Variants in NNMT observed in about 807,000 individuals in gnomAD.
The protein encoded by NNMT is nicotinamide N-methyltransferase.
NNMT carries 10 observed loss-of-function variants against 11.7 expected under a neutral mutation model. That is an observed-to-expected ratio of 0.85 (90% CI 0.53 to 1.45). The LOEUF is 1.45. NNMT is among the 40% of genes most tolerant of loss of function. The pLI is 0.00. For synonymous variants in NNMT, 143 were observed against 133.8 expected (o/e 1.07, Z -0.48); for missense variants, 381 against 319.4 (o/e 1.19, Z -1.47).
intron 2 of NNMT, among the ~76,000 whole-genome samples, chr11:114,269,647 G>A (rs1945154342): frequency 6.6e-6 from 1 of 152,010 alleles, no homozygotes; most frequent in South Asian, 2.1e-4. Context: ...TTTAGCTACT[G>A]CCCTGTCTTT....
chr11:114,280,775 TG>T (rs1262279481), intron 2 of NNMT, among the ~76,000 whole-genome samples: 1 of 152,062 alleles, frequency 6.6e-6, no homozygotes, highest in Non-Finnish European at 1.5e-5. Context: ...TTTCACTCTC[TG>T]GGCACAAGAG....
chr11:114,288,533 G>A (rs1392788813), intron 2 of NNMT, among the ~76,000 whole-genome samples: 1 of 151,160 alleles, frequency 6.6e-6, no homozygotes, highest in East Asian at 1.9e-4. Context: ...AATTTTGAAT[G>A]TTAAATCACT....
intron 2 of NNMT, among the ~76,000 whole-genome samples, chr11:114,309,150 A>T (rs1280152872): frequency 6.6e-6 from 1 of 152,184 alleles, no homozygotes; most frequent in East Asian, 1.9e-4. Context: ...ACCTTTTGAT[A>T]TACACTTTAT....
intron 2 of NNMT, among the ~76,000 whole-genome samples, chr11:114,304,569 A>G (rs910235167): frequency 6.6e-6 from 1 of 152,236 alleles, no homozygotes; most frequent in African/African-American, 2.4e-5. Flanking sequence ...ATCAACCTAC[A>G]ACCTATTTCC....
At chr11:114,289,296 T>A (rs1423531604) in intron 2 of NNMT, among the ~76,000 whole-genome samples, 2 of 152,218 alleles carry the variant, frequency 1.3e-5, no homozygotes, top group Non-Finnish European at 2.9e-5. Context: ...TTGATCATTC[T>A]AGCTAGAAAT....
Position 114,312,243 on chromosome 11 carries a change from G to A in NNMT, c.561G>A (p.Leu187=), listed in dbSNP as rs150890052. The A allele has an allele frequency of 1.1e-4, 175 of 1,614,110 alleles. No homozygotes were observed. Among genetic ancestry groups the A allele is most frequent in the Non-Finnish European group, 1.4e-4 (171 of 1,180,056 alleles). ...CRALRNLGSL[L]KPGGFLVIMD... The stretch of plus-strand genomic sequence containing the variant: ...CGCTCAGGAACCTCGGCAGCCTACT[G>A]AAGCCAGGGGGCTTCCTGGTGATCA... The change falls in exon 3 of 3, where the codon CTG becomes CTA. Residue 187 remains leucine, a synonymous_variant. Transcript: ENST00000299964.
chr11:114,312,364 G>C lies in NNMT; in HGVS notation c.682G>C (p.Ala228Pro). 6.2e-7 allele frequency: 1 copy of C among 1,614,236 alleles called. No homozygotes were observed. The highest frequency in any genetic ancestry group is 8.5e-7 in the Non-Finnish European group (1 of 1,180,038). The change falls in exon 3 of 3, where the codon GCT becomes CCT. Residue 228 changes from alanine to proline, a missense_variant. Physicochemically the swap from Ala to Pro is conservative, Grantham distance 27 (BLOSUM62 -1). Coordinates refer to ENST00000299964, the MANE Select transcript of NNMT (RefSeq NM_006169.3). ...GGCAGTAGAGGCTGCTGTGAAAGAGGCTGGCTACACAATCGAATGGTTTGA... is the reference window on the plus strand; with the variant it reads ...GGCAGTAGAGGCTGCTGTGAAAGAGCCTGGCTACACAATCGAATGGTTTGA... ...REAVEAAVKE[A>P]GYTIEWFEVI...
intron 2 of NNMT, among the ~76,000 whole-genome samples, chr11:114,263,628 C>T (rs541750006): frequency 3.3e-4 from 51 of 152,332 alleles, no homozygotes; most frequent in South Asian, 2.1e-4. Flanking sequence ...GCACAAACCA[C>T]GTAGACCCCA....
Position 114,298,101 on chromosome 11 carries a change from C to T in NNMT, c.305C>T (p.Pro102Leu). 6.2e-7 allele frequency: 1 copy of T among 1,614,134 alleles called. No individual in the cohort carries two copies. Among genetic ancestry groups the T allele is most frequent in the South Asian group, 1.1e-5 (1 of 91,082 alleles). The change falls in exon 2 of 3, where the codon CCA (proline) becomes CTA (leucine). Residue 102 changes from proline (P) to leucine (L), a missense_variant. Coordinates refer to ENST00000299964, the MANE Select transcript of NNMT (RefSeq NM_006169.3). ...CTGGAGAAGTGGCTGAAGAAAGAGCCAGAGGCCTTTGACTGGTCCCCAGTG... is the reference window on the plus strand; with the variant it reads ...CTGGAGAAGTGGCTGAAGAAAGAGCTAGAGGCCTTTGACTGGTCCCCAGTG... ...QELEKWLKKE[P>L]EAFDWSPVVT...
At chr11:114,296,984 CTT>C (rs1945387148) in intron 1 of NNMT, among the ~76,000 whole-genome samples, 1 of 152,182 alleles carries the variant, frequency 6.6e-6, no homozygotes. Context: ...TTGAGGGAGA[CTT>C]TTAGCCTCAA....
At chr11:114,268,513 G>A (rs1170258539) in intron 2 of NNMT, among the ~76,000 whole-genome samples, 9 of 152,108 alleles carry the variant, frequency 5.9e-5, no homozygotes, top group African/African-American at 1.9e-4. Context: ...GCTCACGCCT[G>A]TAATCCCAGC....
rs768710525 is a variant in NNMT at position 114,298,154 on chromosome 11, A to G, written c.358A>G (p.Asn120Asp). Residue 120 changes from asparagine to aspartate, a missense_variant, in exon 2 of 3, where the codon AAC (asparagine) becomes GAC (aspartate). Coordinates refer to ENST00000299964, the MANE Select transcript of NNMT (RefSeq NM_006169.3). ...GACCTATGTGTGTGATCTTGAAGGG[A>G]ACAGGTAGAGAAACTGGTGTCTACT... is the stretch of plus-strand genomic sequence containing the variant. Reference protein sequence around the residue: ...VVTYVCDLEGNRVKGPEKEEK... With the variant: ...VVTYVCDLEGDRVKGPEKEEK... The G allele has an allele frequency of 2.2e-5, 36 of 1,613,906 alleles. No individual in the cohort carries two copies. The highest frequency in any genetic ancestry group is 1.6e-4 in the Middle Eastern group (1 of 6,084).
At chr11:114,305,401 A>G (rs1945480943) in intron 2 of NNMT, among the ~76,000 whole-genome samples, 1 of 151,418 alleles carries the variant, frequency 6.6e-6, no homozygotes. Flanking sequence ...CACAACGTGC[A>G]GGTTTGTTAC....
chr11:114,307,126 T>C (rs1945499506), intron 2 of NNMT, among the ~76,000 whole-genome samples: 2 of 152,190 alleles, frequency 1.3e-5, no homozygotes, highest in Non-Finnish European at 2.9e-5. Flanking sequence ...TCTTGCCACC[T>C]TATCTCCCCA....
chr11:114,311,968 T>C, intron 2 of NNMT, 77 bp from the exon 3 acceptor site: 1 of 1,475,284 alleles, frequency 6.8e-7, no homozygotes. Flanking sequence ...ATACGGCCAT[T>C]TTTAGCCTTG....
rs191181239 is a variant in NNMT at position 114,260,799 on chromosome 11, C to T, written c.-216-2049C>T. On this transcript the variant is annotated intron_variant, in intron 1 of 4. Transcript: ENST00000535401. ...GCCAAATAGCTTGGTGGCTGCCGTG[C>T]GGTGCACCCTAGAGGAAGAGGGGCA... is the stretch of plus-strand genomic sequence containing the variant. 3.0e-4 allele frequency among the ~76,000 whole-genome samples: 46 copies of T among 152,310 alleles called. 1 individual carries two copies. The highest frequency in any genetic ancestry group is 2.5e-3 in the Admixed American group (38 of 15,294).
At chr11:114,259,641 G>A (rs1167873924) in intron 1 of NNMT, among the ~76,000 whole-genome samples, 1 of 152,184 alleles carries the variant, frequency 6.6e-6, no homozygotes, top group Non-Finnish European at 1.5e-5. Context: ...TGGGCTGGCA[G>A]GAGGGCAGGC....
At chr11:114,268,265 T>C (rs1181033985) in intron 2 of NNMT, among the ~76,000 whole-genome samples, 1 of 152,202 alleles carries the variant, frequency 6.6e-6, no homozygotes, top group Non-Finnish European at 1.5e-5. Context: ...GAAGGGAACT[T>C]CACAGATGAG....
chr11:114,297,627 A>T lies in NNMT; in HGVS notation c.155-324A>T, dbSNP rs545737925. Among the ~76,000 whole-genome samples the T allele has an allele frequency of 4.1e-4, 63 of 152,038 alleles. No individual in the cohort carries two copies. The South Asian group carries it at 0.013, about 32-fold the overall frequency. The stretch of plus-strand genomic sequence containing the variant: ...CAGCCTCTCCAATAACTAGGTCTTC[A>T]GGCACACGCCACCATGCCTAGCTAA... On this transcript the variant is annotated intron_variant, in intron 1 of 2. Coordinates refer to ENST00000299964, the MANE Select transcript of NNMT (RefSeq NM_006169.3).
Sources: gnomAD v4.1 joint callset for allele counts (sites outside exome capture counted in the v4.1 genomes callset) on GRCh38, gnomAD v4.1.1 for gene constraint, MANE v1.5 for transcripts, NCBI Gene and HGNC (gene_info 2026-07-23, HGNC 2026-07-21) for gene names.